Variants in CENPF observed in about 807,000 individuals in gnomAD.
CENPF encodes AH antigen.
In CENPF, 214 loss-of-function variants were observed where a neutral mutation model predicts 307.3. The ratio of observed to expected loss-of-function variants is 0.70; its 90% CI spans 0.62 to 0.78. The LOEUF is 0.78. CENPF is among the 30% of genes least tolerant of loss of function. CENPF has a pLI of 0.00. For synonymous variants in CENPF, 1,259 were observed against 1,270.6 expected, an observed-to-expected ratio of 0.99 and a Z score of 0.19; for missense variants, 3,401 against 3,483.9, an observed-to-expected ratio of 0.98 and a Z score of 0.60.
In CENPF at chr1:214,643,226, C is replaced by T. The variant is rs1289607283; in HGVS notation, c.4888C>T (p.Gln1630Ter). 3.1e-6 allele frequency: 5 copies of T among 1,601,942 alleles called. No homozygotes were observed. Among genetic ancestry groups the T allele is most frequent in the Admixed American group, 1.8e-5 (1 of 57,008 alleles). Residue 1630 changes from glutamine to a stop codon, truncating the protein, a stop_gained, in exon 12 of 20, where the codon CAG becomes TAG. Transcript: ENST00000366955. LOFTEE classifies it high-confidence loss of function. Reference sequence around the variant, plus strand: ...GTCCAAGTTGGCGGCAGAAAAGAAACAGACGGAACAACTGTCACTTGAGCT... The same window carrying T: ...GTCCAAGTTGGCGGCAGAAAAGAAATAGACGGAACAACTGTCACTTGAGCT... ...MESKLAAEKK[Q>*]TEQLSLELEV...
chr1:214,651,665 A>G, intron 14 of CENPF, 45 bp from the exon 15 acceptor site: 4 of 1,396,114 alleles, frequency 2.9e-6, no homozygotes, highest in Non-Finnish European at 3.9e-6. Context: ...CCAGGTTCTT[A>G]ATTATGAGGA....
chr1:214,618,834 C>T (rs1164696661), intron 4 of CENPF, 140 bp downstream of exon 4: 2 of 812,386 alleles, frequency 2.5e-6, no homozygotes, highest in Non-Finnish European at 3.8e-6. Context: ...GTTACATATC[C>T]ATTTGCATAT....
At position 214,657,300 on chromosome 1, in the gene CENPF, G is replaced by T. The variant is rs1658664671; in HGVS notation, c.8853G>T (p.Glu2951Asp). ...NGRGPTPATP[E>D]SFSKKSKKAV... The stretch of plus-strand genomic sequence containing the variant: ...GAGGACCAACACCTGCTACCCCAGA[G>T]AGCTTTTCTAAAAAAAGCAAGAAAG... The change falls in exon 18 of 20, where the codon GAG becomes GAT. Residue 2951 changes from glutamate to aspartate, a missense_variant. Glu to Asp is a conservative substitution (Grantham distance 45). Coordinates refer to ENST00000366955, the MANE Select transcript of CENPF (RefSeq NM_016343.4). 1.9e-6 allele frequency: 3 copies of T among 1,614,046 alleles called. No homozygotes were observed. In the East Asian group the frequency reaches 6.7e-5, roughly 36 times the overall value.
In CENPF at chr1:214,629,280, TAG is replaced by T; in HGVS notation, c.1194+112_1194+113del. The T allele has an allele frequency of 2.7e-6, 3 of 1,096,834 alleles. No homozygotes were observed. The South Asian group carries it at 6.3e-5, about 23-fold the overall frequency. The allele number at this position is 1,096,834 out of a possible 1,614,324, so 67.9% of individuals were successfully genotyped here. A position where few individuals can be genotyped will look rare whatever the true frequency, so the allele number is the denominator to read the frequency against. On this transcript the variant is annotated intron_variant, in intron 8 of 19. Transcript: ENST00000366955. ...GTTATCACAATTTGGGAAATTCTCTTAGAGGAGAAATGCTTTGTGAGCTAAAG... is the reference window on the plus strand; with the variant it reads ...GTTATCACAATTTGGGAAATTCTCTTAGGAGAAATGCTTTGTGAGCTAAAG...
Position 214,663,919 on chromosome 1 carries a change from C to G in CENPF, c.*125C>G. Reference sequence around the variant, plus strand: ...GAGGAGAAAACAATTCCTTAGAAGTCTTAAATATATTGTACTCTTTAGATC... The same window carrying G: ...GAGGAGAAAACAATTCCTTAGAAGTGTTAAATATATTGTACTCTTTAGATC... On this transcript the variant is annotated 3_prime_UTR_variant, in exon 20 of 20. Coordinates refer to ENST00000366955, the MANE Select transcript of CENPF (RefSeq NM_016343.4). The G allele has an allele frequency of 1.4e-6, 1 of 734,404 alleles. No homozygotes were observed. 45.5% of individuals were successfully genotyped at this position (734,404 alleles called of 1,614,324 possible). A position where few individuals can be genotyped will look rare whatever the true frequency, so the allele number is the denominator to read the frequency against.
rs1339918274 is a variant in CENPF, at chr1:214,640,316, G to A, written c.1978G>A (p.Glu660Lys). Residue 660 changes from glutamate to lysine, a missense_variant, in exon 12 of 20, where the codon GAA becomes AAA. Coordinates refer to ENST00000366955, the MANE Select transcript of CENPF (RefSeq NM_016343.4). The part of the protein sequence containing the change: ...CLKTQQIKSH[E>K]YNERVRTLEM... Reference sequence around the variant, plus strand: ...GAAGACACAGCAAATAAAAAGTCATGAATACAACGAGAGAGTAAGAACGCT... The same window carrying A: ...GAAGACACAGCAAATAAAAAGTCATAAATACAACGAGAGAGTAAGAACGCT... 1.9e-6 allele frequency: 3 copies of A among 1,613,908 alleles called. No homozygotes were observed. The highest frequency in any genetic ancestry group is 1.7e-6 in the Non-Finnish European group (2 of 1,179,972).
intron 12 of CENPF, 34 bp from the exon 13 acceptor site, chr1:214,644,523 T>C (rs1356159039): frequency 6.6e-7 from 1 of 1,516,838 alleles, no homozygotes; most frequent in Non-Finnish European, 8.8e-7. Flanking sequence ...TTTTGAAAAA[T>C]AAAATGCATG....
intron 11 of CENPF, 95 bp downstream of exon 11, chr1:214,638,096 T>A (rs951399738): frequency 4.0e-6 from 5 of 1,243,600 alleles, no homozygotes; most frequent in Admixed American, 5.6e-5. Flanking sequence ...ACTCTTTGGA[T>A]TTTTTTTCAT....
intron 8 of CENPF, among the ~76,000 whole-genome samples, chr1:214,629,928 C>A (rs902063303): frequency 4.8e-4 from 73 of 152,204 alleles, no homozygotes; most frequent in African/African-American, 1.7e-3. Context: ...AAGTGGTTGG[C>A]AGAAGAGTGA....
intron 1 of CENPF, among the ~76,000 whole-genome samples, chr1:214,606,727 C>T (rs1194823231): frequency 6.6e-6 from 1 of 152,146 alleles, no homozygotes; most frequent in Admixed American, 6.5e-5. Context: ...TCGGCCACCT[C>T]AGCATCACCA....
At chr1:214,608,014 G>T (rs774924516) in intron 1 of CENPF, among the ~76,000 whole-genome samples, 1 of 152,174 alleles carries the variant, frequency 6.6e-6, no homozygotes, top group Non-Finnish European at 1.5e-5. Context: ...CCCTCCCGCC[G>T]GGTGGCATCC....
At position 214,658,847 on chromosome 1, in the gene CENPF, TAGG is replaced by T. The variant is rs1571730601; in HGVS notation, c.8963-2_8963del. ...TGCTGACAGTTATTTTTTTTGCCCT[TAGG>T]GTTTGCTGACATCCCGACAGGAAAG... On this transcript the variant is annotated splice_acceptor_variant and coding_sequence_variant, in exon 19 of 20. Coordinates refer to ENST00000366955, the MANE Select transcript of CENPF (RefSeq NM_016343.4). LOFTEE classifies it high-confidence loss of function. 6.2e-7 allele frequency: 1 copy of T among 1,613,864 alleles called. No homozygotes were observed. The highest frequency in any genetic ancestry group is 1.7e-5 in the Admixed American group (1 of 59,990).
Position 214,663,893 on chromosome 1 carries a change from T to C in CENPF, c.*99T>C. ...CTTTAGTCAGGGCATGCTTTATTAG[T>C]GAGGAGAAAACAATTCCTTAGAAGT... On this transcript the variant is annotated 3_prime_UTR_variant, in exon 20 of 20. Coordinates refer to ENST00000366955, the MANE Select transcript of CENPF (RefSeq NM_016343.4). The C allele has an allele frequency of 1.1e-6, 1 of 892,040 alleles. No individual in the cohort carries two copies. The highest frequency in any genetic ancestry group is 1.7e-5 in the South Asian group (1 of 58,924). The allele number at this position is 892,040 out of a possible 1,614,324, so 55.3% of individuals were successfully genotyped here.
rs781674846 is a variant in CENPF at position 214,620,841 on chromosome 1, C to T, written c.760C>T (p.Pro254Ser). The change falls in exon 6 of 20, where the codon CCA (proline) becomes TCA (serine). Residue 254 changes from proline to serine, a missense_variant. Coordinates refer to ENST00000366955, the MANE Select transcript of CENPF (RefSeq NM_016343.4). The stretch of plus-strand genomic sequence containing the variant: ...CTTTTCTGGGGAACAAGAGGTGACT[C>T]CAAGTCGATCAACTTTGCAAATAGG... ...SYFSGEQEVT[P>S]SRSTLQIGKR... The T allele has an allele frequency of 6.2e-7, 1 of 1,614,042 alleles. No homozygotes were observed. Among genetic ancestry groups the T allele is most frequent in the African/African-American group, 1.3e-5 (1 of 74,922 alleles).
chr1:214,642,492 A>G lies in CENPF; in HGVS notation c.4154A>G (p.Asp1385Gly), dbSNP rs1440733385. Residue 1385 changes from aspartate to glycine, a missense_variant, in exon 12 of 20, where the codon GAC (aspartate) becomes GGC (glycine). Coordinates refer to ENST00000366955, the MANE Select transcript of CENPF (RefSeq NM_016343.4). ...EQHPVSLAPLDESNSYEHLTL... is the reference protein window; with the variant it reads ...EQHPVSLAPLGESNSYEHLTL... ...CACCCTGTGTCTTTGGCTCCATTGGACGAGAGTAATTCCTACGAGCACTTG... is the reference window on the plus strand; with the variant it reads ...CACCCTGTGTCTTTGGCTCCATTGGGCGAGAGTAATTCCTACGAGCACTTG... 6.2e-7 allele frequency: 1 copy of G among 1,610,188 alleles called. No homozygotes were observed. Among genetic ancestry groups the G allele is most frequent in the South Asian group, 1.1e-5 (1 of 90,336 alleles).
intron 1 of CENPF, among the ~76,000 whole-genome samples, chr1:214,606,318 T>G (rs1377226174): frequency 6.6e-6 from 1 of 152,054 alleles, no homozygotes; most frequent in African/African-American, 2.4e-5. Flanking sequence ...CCCTGGCGTT[T>G]CCTAGCTAGG....
intron 19 of CENPF, among the ~76,000 whole-genome samples, chr1:214,661,437 G>C (rs1329986162): frequency 1.3e-5 from 2 of 152,198 alleles, no homozygotes; most frequent in Non-Finnish European, 2.9e-5. Context: ...TCCCAAAGCA[G>C]TTGCTTAGAA....
chr1:214,648,700 C>T lies in CENPF; in HGVS notation c.7856C>T (p.Thr2619Ile). Residue 2619 changes from threonine (T) to isoleucine (I), a missense_variant, in exon 14 of 20, where the codon ACT becomes ATT. Thr to Ile is a moderately conservative substitution (Grantham distance 89). Coordinates refer to ENST00000366955, the MANE Select transcript of CENPF (RefSeq NM_016343.4). ...GTAAACAAAATGACTGCAAAGGAAA[C>T]TGAGCTGCAGAGGGAAATGCATGAG... is the stretch of plus-strand genomic sequence containing the variant. ...EKVNKMTAKE[T>I]ELQREMHEMA... The T allele has an allele frequency of 6.2e-7, 1 of 1,612,964 alleles. No homozygotes were observed. Among genetic ancestry groups the T allele is most frequent in the Non-Finnish European group, 8.5e-7 (1 of 1,179,726 alleles).
intron 1 of CENPF, chr1:214,608,208 C>T (rs1253752546): frequency 2.5e-5 from 30 of 1,205,188 alleles, no homozygotes; most frequent in Non-Finnish European, 3.5e-5. Context: ...TGGCTCCCCT[C>T]CTGCAGAGCC....
Sources: allele counts gnomAD v4.1 joint callset (sites outside exome capture counted in the v4.1 genomes callset), GRCh38; gene constraint gnomAD v4.1.1; transcripts MANE v1.5; gene names NCBI Gene and HGNC (gene_info 2026-07-23, HGNC 2026-07-21).